PRAMEF4: variants seen among roughly 807,000 people sequenced by gnomAD.
PRAMEF4 encodes RP5-845O24.6.
PRAMEF4 carries 18 observed loss-of-function variants against 34.4 expected under a neutral mutation model. That is an observed-to-expected ratio of 0.52 (90% confidence interval 0.36 to 0.78). The LOEUF is 0.78. Among genes scored for constraint, PRAMEF4 ranks in the 30% least tolerant of loss-of-function variants. PRAMEF4 has a pLI of 0.00. For missense variants in PRAMEF4, 482 were observed against 569.1 expected (o/e 0.85, Z 1.56); for synonymous variants, 156 against 219.3 (o/e 0.71, Z 2.55).
At position 12,880,105 on chromosome 1, in the gene PRAMEF4, G is replaced by A. The variant is rs752467558; in HGVS notation, c.876C>T (p.Ser292=). ...FLEGHLDQLL[S]CLKTSLKFLT... Reference sequence around the variant, plus strand: ...GGAACTTTAACGAGGTCTTCAGACAGCTGGGGAGAGAGAGCAAGAAGTTAA... The same window carrying A: ...GGAACTTTAACGAGGTCTTCAGACAACTGGGGAGAGAGAGCAAGAAGTTAA... The change falls in exon 4 of 4, where the codon AGC becomes AGT. Residue 292 remains serine, a splice_region_variant and synonymous_variant. Coordinates refer to ENST00000235349, the MANE Select transcript of PRAMEF4 (RefSeq NM_001009611.4). 2.6e-6 allele frequency: 4 copies of A among 1,528,636 alleles called. 1 individual carries two copies. Among genetic ancestry groups the A allele is most frequent in the South Asian group, 2.3e-5 (2 of 88,038 alleles). The allele number at this position is 1,528,636 out of a possible 1,614,324, so 94.7% of individuals were successfully genotyped here. A position where few individuals can be genotyped will look rare whatever the true frequency, so the allele number is the denominator to read the frequency against.
rs1472827395 is a variant in PRAMEF4, at chr1:12,880,135, G to A, written c.876-30C>T. 4 of 1,545,962 alleles carry A rather than the reference G, an allele frequency of 2.6e-6. No homozygotes were observed. In the East Asian group the frequency reaches 9.0e-5, roughly 35 times the overall value. On this transcript the variant is annotated intron_variant, in intron 3 of 3. Transcript: ENST00000235349. ...GGAGAGAGAGCAAGAAGTTAATTCTGGGGAATCATAGGGGTGAGTGGAGGG... is the reference window on the plus strand; with the variant it reads ...GGAGAGAGAGCAAGAAGTTAATTCTAGGGAATCATAGGGGTGAGTGGAGGG...
In PRAMEF4 at chr1:12,883,012, C is replaced by A. The variant is rs1640921730; in HGVS notation, c.293+90G>T. On this transcript the variant is annotated intron_variant, in intron 2 of 3. Coordinates refer to ENST00000235349, the MANE Select transcript of PRAMEF4 (RefSeq NM_001009611.4). ...CTCTCGGCTTCCTCACCACCACCAT[C>A]CCCCTTGGGCCTCCTCACTTCTCAC... 4.5e-6 allele frequency: 7 copies of A among 1,546,754 alleles called. No individual in the cohort carries two copies. In the East Asian group the frequency reaches 1.4e-4, roughly 30 times the overall value.
In PRAMEF4 at chr1:12,883,201, C is replaced by G; in HGVS notation, c.194G>C (p.Arg65Pro). Reference sequence around the variant, plus strand: ...CTTTATCAGAGGCCTCAGAGGGAGGCGGCGGAAGGGCCAGGACTGCACCAT... The same window carrying G: ...CTTTATCAGAGGCCTCAGAGGGAGGGGGCGGAAGGGCCAGGACTGCACCAT... ...KLMVQSWPFR[R>P]LPLRPLIKMP... is the part of the protein sequence containing the mutation. Residue 65 changes from arginine to proline, a missense_variant, in exon 2 of 4, where the codon CGC becomes CCC. Physicochemically the swap from Arg to Pro is moderately radical, Grantham distance 103 (BLOSUM62 -2). Transcript: ENST00000235349. 6.3e-7 allele frequency: 1 copy of G among 1,599,952 alleles called. No individual in the cohort carries two copies. Among genetic ancestry groups the G allele is most frequent in the African/African-American group, 1.4e-5 (1 of 73,084 alleles).
chr1:12,883,069 G>A (rs1198842082), intron 2 of PRAMEF4, 33 bp downstream of exon 2: 6 of 1,598,450 alleles, frequency 3.8e-6, no homozygotes, highest in Admixed American at 1.7e-5. Flanking sequence ...GGACACCTGG[G>A]CCCTCCCCAC....
intron 1 of PRAMEF4, among the ~76,000 whole-genome samples, chr1:12,884,751 C>T (rs1640962823): frequency 6.7e-6 from 1 of 149,226 alleles, no homozygotes; most frequent in South Asian, 2.1e-4. Context: ...ACTTCTTAAT[C>T]TCTACCCAGT....
intron 1 of PRAMEF4, 85 bp from the exon 2 acceptor site, chr1:12,883,495 G>T: frequency 1.3e-6 from 2 of 1,546,964 alleles, no homozygotes; most frequent in African/African-American, 1.4e-5. Flanking sequence ...CAAACTCACT[G>T]CTCTGGCAAT....
Position 12,879,901 on chromosome 1 carries a change from A to T in PRAMEF4, c.1080T>A (p.Asp360Glu). The change falls in exon 4 of 4, where the codon GAT (aspartate) becomes GAA (glutamate). Residue 360 changes from aspartate to glutamate, a missense_variant. Physicochemically the swap from Asp to Glu is conservative, Grantham distance 45. This residue lies in a region of PRAMEF4 where 35 missense variants were observed against 109.2 expected (regional missense o/e 0.32). Coordinates refer to ENST00000235349, the MANE Select transcript of PRAMEF4 (RefSeq NM_001009611.4). The stretch of plus-strand genomic sequence containing the variant: ...CTTGGGAGTCTATGATGCCACAGTC[A>T]TCTAAATCCAGGTACTCAAGGGTGG... Reference protein sequence around the residue: ...VAATLEYLDLDDCGIIDSQVN... With the variant: ...VAATLEYLDLEDCGIIDSQVN... 6.2e-7 allele frequency: 1 copy of T among 1,603,168 alleles called. No homozygotes were observed. Among genetic ancestry groups the T allele is most frequent in the Non-Finnish European group, 8.5e-7 (1 of 1,175,614 alleles).
Position 12,886,173 on chromosome 1 carries a change from C to G in PRAMEF4, c.-43G>C, listed in dbSNP as rs1385369532. The stretch of plus-strand genomic sequence containing the variant: ...AGATCTGGATGTAGTCTAGAAGGTT[C>G]TCAGATCTCAGGAAGAACCAAGCAG... On this transcript the variant is annotated 5_prime_UTR_variant, in exon 1 of 4. Transcript: ENST00000235349. The G allele has an allele frequency of 6.9e-6, 1 of 144,690 alleles. No individual in the cohort carries two copies. Among genetic ancestry groups the G allele is most frequent in the African/African-American group, 2.6e-5 (1 of 38,176 alleles). The allele number at this position is 144,690 out of a possible 1,614,324, so 9.0% of individuals were successfully genotyped here. A position where few individuals can be genotyped will look rare whatever the true frequency, so the allele number is the denominator to read the frequency against.
chr1:12,882,698 C>T (rs565232786), intron 2 of PRAMEF4, among the ~76,000 whole-genome samples: 2 of 147,794 alleles, frequency 1.4e-5, no homozygotes, highest in East Asian at 4.0e-4. Flanking sequence ...TCAAATGATT[C>T]TCCTGCCTCA....
chr1:12,883,824 C>A (rs1319744663), intron 1 of PRAMEF4, among the ~76,000 whole-genome samples: 1 of 146,822 alleles, frequency 6.8e-6, no homozygotes, highest in Non-Finnish European at 1.5e-5. Flanking sequence ...CATGGGGCAT[C>A]CCTAGAACAG....
chr1:12,882,353 A>C lies in PRAMEF4; in HGVS notation c.376T>G (p.Cys126Gly), dbSNP rs1398351683. The part of the protein sequence containing the change: ...MVWSEAMAHG[C>G]FLNAKRNKKP... ...TTGTTCCTCTTGGCATTGAGGAAGCACCCATGGGCCATAGCTTCAGACCAA... is the reference window on the plus strand; with the variant it reads ...TTGTTCCTCTTGGCATTGAGGAAGCCCCCATGGGCCATAGCTTCAGACCAA... Residue 126 changes from cysteine to glycine, a missense_variant, in exon 3 of 4, where the codon TGC (cysteine) becomes GGC (glycine). Cys to Gly is a radical substitution (Grantham distance 159, BLOSUM62 -3). Transcript: ENST00000235349. The C allele has an allele frequency of 8.9e-6, 14 of 1,575,926 alleles. No individual in the cohort carries two copies. The highest frequency in any genetic ancestry group is 1.5e-5 in the African/African-American group (1 of 68,612).
At position 12,879,770 on chromosome 1, in the gene PRAMEF4, G is replaced by T. The variant is rs1640850829; in HGVS notation, c.1211C>A (p.Thr404Lys). 1.2e-6 allele frequency: 2 copies of T among 1,602,790 alleles called. No individual in the cohort carries two copies. The highest frequency in any genetic ancestry group is 2.2e-5 in the South Asian group (2 of 90,388). ...CACGCATAAGTTTTTGAGTATGATTGTGTGGCTCAGCAGGTTCTCCAGGGT... is the reference window on the plus strand; with the variant it reads ...CACGCATAAGTTTTTGAGTATGATTTTGTGGCTCAGCAGGTTCTCCAGGGT... ...MATLENLLSHTIILKNLCVEL... is the reference protein window; with the variant it reads ...MATLENLLSHKIILKNLCVEL... Residue 404 changes from threonine (T) to lysine (K), a missense_variant, in exon 4 of 4, where the codon ACA becomes AAA. By Grantham distance (78) the Thr-to-Lys change is moderately conservative. Transcript: ENST00000235349.
At chr1:12,883,934 C>G (rs1300024953) in intron 1 of PRAMEF4, among the ~76,000 whole-genome samples, 1 of 138,152 alleles carries the variant, frequency 7.2e-6, no homozygotes. Flanking sequence ...TCTTTCTTTC[C>G]CCCTCTCTCT....
chr1:12,885,165 C>T (rs1457364018), intron 1 of PRAMEF4, among the ~76,000 whole-genome samples: 2 of 150,552 alleles, frequency 1.3e-5, no homozygotes, highest in African/African-American at 2.4e-5. Context: ...AGTCTCACTT[C>T]GTCGCCCAGG....
At position 12,883,569 on chromosome 1, in the gene PRAMEF4, C is replaced by G. The variant is rs55686240; in HGVS notation, c.-16-159G>C. On this transcript the variant is annotated intron_variant, in intron 1 of 3. Transcript: ENST00000235349. ...ACTCAGTGGCCATTAAGCCAGCATTCTGCCTCTGCTGCATCAGCATGAGCG... is the reference window on the plus strand; with the variant it reads ...ACTCAGTGGCCATTAAGCCAGCATTGTGCCTCTGCTGCATCAGCATGAGCG... Among the ~76,000 whole-genome samples, 46 of 149,378 alleles carry G rather than the reference C, an allele frequency of 3.1e-4. 2 individuals carry two copies. The South Asian group carries it at 8.8e-3, about 28-fold the overall frequency.
At position 12,882,819 on chromosome 1, in the gene PRAMEF4, A is replaced by G. The variant is rs865869382; in HGVS notation, c.293+283T>C. ...TGGACAGGCTGGCCTCCAACTCTTG[A>G]CCTCAGCCTCCCAATGTGCTGGGAA... On this transcript the variant is annotated intron_variant, in intron 2 of 3. Transcript: ENST00000235349. Among the ~76,000 whole-genome samples the G allele has an allele frequency of 9.7e-4, 143 of 147,034 alleles. 3 individuals are homozygous for G. Among genetic ancestry groups the G allele is most frequent in the South Asian group, 4.8e-3 (22 of 4,600 alleles).
At position 12,883,188 on chromosome 1, in the gene PRAMEF4, C is replaced by T. The variant is rs1446325468; in HGVS notation, c.207G>A (p.Arg69=). 1 of 1,600,102 alleles carries T rather than the reference C, an allele frequency of 6.2e-7. No individual in the cohort carries two copies. The change falls in exon 2 of 4, where the codon AGG becomes AGA. Residue 69 remains arginine, a synonymous_variant. Coordinates refer to ENST00000235349, the MANE Select transcript of PRAMEF4 (RefSeq NM_001009611.4). ...QSWPFRRLPL[R]PLIKMPCLEA... is the part of the protein sequence containing the mutation. ...CCAGACAAGGCATCTTTATCAGAGG[C>T]CTCAGAGGGAGGCGGCGGAAGGGCC...
rs770839147 is a variant in PRAMEF4 at position 12,883,272 on chromosome 1, C to G, written c.123G>C (p.Leu41=). The change falls in exon 2 of 4, where the codon CTG becomes CTC. Residue 41 remains leucine (L), a synonymous_variant. Coordinates refer to ENST00000235349, the MANE Select transcript of PRAMEF4 (RefSeq NM_001009611.4). ...GTCTCCTGCTGAAGGCCTCCATGAA[C>G]AGTGGGGGGAAAAGTTCTGTGGGCA... ...EELPTELFPP[L]FMEAFSRRRC... is the part of the protein sequence containing the mutation. 4 of 1,595,562 alleles carry G rather than the reference C, an allele frequency of 2.5e-6. No individual in the cohort carries two copies. Among genetic ancestry groups the G allele is most frequent in the South Asian group, 2.2e-5 (2 of 89,938 alleles).
chr1:12,883,930 T>C (rs1640944111), intron 1 of PRAMEF4, among the ~76,000 whole-genome samples: 2 of 139,456 alleles, frequency 1.4e-5, no homozygotes, highest in Non-Finnish European at 3.1e-5. Flanking sequence ...TCTTTCTTTC[T>C]TTCCCCCTCT....
Sources: allele counts gnomAD v4.1 joint callset (sites outside exome capture counted in the v4.1 genomes callset), GRCh38; gene constraint gnomAD v4.1.1; regional missense constraint gnomAD v4.1.1; transcripts MANE v1.5; gene names NCBI Gene and HGNC (gene_info 2026-07-23, HGNC 2026-07-21).